TPST1: variants seen among roughly 807,000 people sequenced by gnomAD.
TPST1 encodes the protein protein-tyrosine sulfotransferase 1.
Under a neutral mutation model 34.8 loss-of-function variants are expected in TPST1, and 20 were observed. That is an observed-to-expected ratio of 0.57 (90% confidence interval 0.40 to 0.84). The LOEUF (loss-of-function observed/expected upper bound fraction) is 0.84. Among genes scored for constraint, TPST1 ranks in the 40% least tolerant of loss-of-function variants. The probability of loss-of-function intolerance (pLI) is 0.00; values close to 1 mark genes in which losing one functional copy is unlikely to be tolerated. For synonymous variants in TPST1, 152 were observed against 159.4 expected (o/e 0.95, Z 0.35); for missense variants, 353 against 455.5 (o/e 0.78, Z 2.05).
At chr7:66,236,549 T>C (rs980729748) in intron 1 of TPST1, among the ~76,000 whole-genome samples, 14 of 152,166 alleles carry the variant, frequency 9.2e-5, no homozygotes, top group Non-Finnish European at 1.9e-4. Flanking sequence ...CTGTCCCACC[T>C]TTCCAAACGG....
intron 2 of TPST1, among the ~76,000 whole-genome samples, chr7:66,264,892 T>C (rs929877763): frequency 6.6e-6 from 1 of 151,974 alleles, no homozygotes; most frequent in Admixed American, 6.6e-5. Context: ...GAAAACCATA[T>C]CTTAAACAAA....
chr7:66,251,533 C>T (rs77582203), intron 2 of TPST1, among the ~76,000 whole-genome samples: 1,901 of 152,232 alleles, frequency 0.012, 38 homozygotes, highest in African/African-American at 0.042. Context: ...TTGTTTAGGG[C>T]AAAGGTAGTC....
chr7:66,244,100 C>T (rs1445001515), intron 2 of TPST1, among the ~76,000 whole-genome samples: 1 of 151,876 alleles, frequency 6.6e-6, no homozygotes, highest in Non-Finnish European at 1.5e-5. Context: ...AGGTGCCCCC[C>T]ACCACGCCCA....
chr7:66,300,465 T>C (rs12698516), intron 3 of TPST1, among the ~76,000 whole-genome samples: 151,451 of 152,292 alleles, frequency 0.99, 75,308 homozygotes, highest in East Asian at 1. Flanking sequence ...CAATGTCATC[T>C]GTCTGATTCT....
chr7:66,239,079 C>T (rs1329275408), intron 1 of TPST1, among the ~76,000 whole-genome samples: 1 of 152,222 alleles, frequency 6.6e-6, no homozygotes, highest in Non-Finnish European at 1.5e-5. Context: ...CTTCCTGTCA[C>T]CTAATTATGC....
intron 3 of TPST1, among the ~76,000 whole-genome samples, chr7:66,342,303 C>T (rs1380319548): frequency 6.6e-6 from 1 of 152,168 alleles, no homozygotes; most frequent in Non-Finnish European, 1.5e-5. Context: ...CTGAGAATCA[C>T]AGATTACCTC....
At position 66,324,800 on chromosome 7, in the gene TPST1, C is replaced by CAA. The variant is rs56389964; in HGVS notation, c.1045-27676_1045-27675dup. On this transcript the variant is annotated intron_variant, in intron 3 of 5. Transcript: ENST00000304842. ...TGGGTGACAGAGTAAGACTCTGTCT[C>CAA]AAAAAAAAAAAAAAAAAAAAAAAAA... 3.4e-3 allele frequency among the ~76,000 whole-genome samples: 371 copies of CAA among 109,184 alleles called. 11 individuals are homozygous for CAA. The highest frequency in any genetic ancestry group is 4.9e-3 in the East Asian group (16 of 3,236). 71.6% of individuals were successfully genotyped at this position (109,184 alleles called of 152,430 possible).
chr7:66,252,547 A>G (rs1487008793), intron 2 of TPST1, among the ~76,000 whole-genome samples: 6 of 150,522 alleles, frequency 4.0e-5, no homozygotes, highest in Non-Finnish European at 8.9e-5. Context: ...GTTAGCCAGG[A>G]TGATCTCGAT....
intron 1 of TPST1, among the ~76,000 whole-genome samples, chr7:66,211,423 G>A (rs1465885184): frequency 6.6e-6 from 1 of 152,108 alleles, no homozygotes; most frequent in Admixed American, 6.5e-5. Context: ...GAGCCACCAC[G>A]CCCGGCTGGT....
intron 3 of TPST1, among the ~76,000 whole-genome samples, chr7:66,293,270 A>G (rs1486938537): frequency 1.3e-5 from 2 of 152,212 alleles, no homozygotes; most frequent in East Asian, 3.9e-4. Context: ...GCACTTTGGA[A>G]GGCCGAGATG....
chr7:66,332,519 CG>C lies in TPST1; in HGVS notation c.1045-19985del, dbSNP rs1562848922. 6.6e-6 allele frequency among the ~76,000 whole-genome samples: 1 copy of C among 152,084 alleles called. No homozygotes were observed. Among genetic ancestry groups the C allele is most frequent in the African/African-American group, 2.4e-5 (1 of 41,404 alleles). On this transcript the variant is annotated intron_variant, in intron 3 of 5. Coordinates refer to ENST00000304842, the MANE Select transcript of TPST1 (RefSeq NM_003596.4). This position sits in a 1 kb window ranked among gnomAD's most constrained non-coding sequence, Gnocchi z 4.5. Reference sequence around the variant, plus strand: ...AACTCCTGACCTCAGGTGATCCACCCGCCTCGGCCTCCCAAAGTGCTAGGAT... The same window carrying C: ...AACTCCTGACCTCAGGTGATCCACCCCCTCGGCCTCCCAAAGTGCTAGGAT...
chr7:66,203,333 G>A (rs763193503), upstream of TPST1, among the ~76,000 whole-genome samples: 5 of 151,650 alleles, frequency 3.3e-5, no homozygotes, highest in Non-Finnish European at 7.4e-5. Context: ...TAGAACTCCT[G>A]GGCTCACGGG....
intron 3 of TPST1, among the ~76,000 whole-genome samples, chr7:66,327,356 A>G (rs1363095093): frequency 6.6e-6 from 1 of 152,150 alleles, no homozygotes; most frequent in African/African-American, 2.4e-5. Context: ...GATAAATTAT[A>G]TTTAGTTCAC....
At chr7:66,285,891 C>T (rs1022785694) in intron 2 of TPST1, among the ~76,000 whole-genome samples, 2 of 151,890 alleles carry the variant, frequency 1.3e-5, no homozygotes, top group African/African-American at 2.4e-5. Context: ...AAAAACAGCC[C>T]TTTTTTTTCT....
intron 3 of TPST1, among the ~76,000 whole-genome samples, chr7:66,294,724 CT>C (rs1429074760): frequency 3.3e-5 from 5 of 151,476 alleles, no homozygotes; most frequent in Admixed American, 3.3e-4. Context: ...ACATATTATT[CT>C]TTTTTATTTT....
intron 3 of TPST1, among the ~76,000 whole-genome samples, chr7:66,339,764 A>G (rs1274498120): frequency 6.7e-6 from 1 of 150,146 alleles, no homozygotes; most frequent in African/African-American, 2.5e-5. Context: ...TGATGAAATA[A>G]TCTGTACACC....
At chr7:66,282,514 C>G (rs532669064) in intron 2 of TPST1, among the ~76,000 whole-genome samples, 1 of 152,304 alleles carries the variant, frequency 6.6e-6, no homozygotes, top group South Asian at 2.1e-4. Context: ...GAAACTGTGT[C>G]TCCGTCTGTT....
chr7:66,256,553 G>A (rs1790387475), intron 2 of TPST1, among the ~76,000 whole-genome samples: 1 of 152,154 alleles, frequency 6.6e-6, no homozygotes, highest in Non-Finnish European at 1.5e-5. Flanking sequence ...GTGTGTTTCT[G>A]TATATGGCTA....
chr7:66,240,046 T>G (rs1789994227), intron 1 of TPST1, among the ~76,000 whole-genome samples: 1 of 151,688 alleles, frequency 6.6e-6, no homozygotes, highest in African/African-American at 2.4e-5. Flanking sequence ...CATGCCCAGC[T>G]AATTTTTTTT....
Sources: gnomAD v4.1 joint callset for allele counts (sites outside exome capture counted in the v4.1 genomes callset) on GRCh38, gnomAD v4.1.1 for gene constraint, Gnocchi (gnomAD v3.1) non-coding constraint, MANE v1.5 for transcripts, NCBI Gene and HGNC (gene_info 2026-07-23, HGNC 2026-07-21) for gene names.